Variants in ATP13A4 observed in about 807,000 individuals in gnomAD.
ATP13A4 encodes ATPase 13A4.
Under a neutral mutation model 142.5 loss-of-function variants are expected in ATP13A4, and 114 were observed. The observed-to-expected ratio is 0.80, with a 90% CI of 0.69 to 0.93. The LOEUF (loss-of-function observed/expected upper bound fraction) is 0.93. Among genes scored for constraint, ATP13A4 ranks in the 40% least tolerant of loss-of-function variants. The probability of loss-of-function intolerance (pLI) is 0.00; values close to 1 mark genes in which losing one functional copy is unlikely to be tolerated. For synonymous variants in ATP13A4, 488 were observed against 514.8 expected, an observed-to-expected ratio of 0.95 and a Z score of 0.70; for missense variants, 1,392 against 1,454.0, an observed-to-expected ratio of 0.96 and a Z score of 0.69.
At chr3:193,512,912 G>A (rs190422945) in intron 2 of ATP13A4, among the ~76,000 whole-genome samples, 55 of 152,300 alleles carry the variant, frequency 3.6e-4, no homozygotes, top group African/African-American at 1.3e-3. Flanking sequence ...CATCCTGTGA[G>A]TCTTCAGGAA....
chr3:193,476,135 A>G (rs1442863184), intron 8 of ATP13A4, among the ~76,000 whole-genome samples: 11 of 152,068 alleles, frequency 7.2e-5, no homozygotes, highest in Admixed American at 7.2e-4. Flanking sequence ...AATGCATTTT[A>G]TCTTAAAAAG....
rs573266062 is a variant in ATP13A4, at chr3:193,448,243, C to A, written c.2115G>T (p.Glu705Asp). The A allele has an allele frequency of 5.5e-5, 88 of 1,614,066 alleles. No homozygotes were observed. Among genetic ancestry groups the A allele is most frequent in the Admixed American group, 1.2e-4 (7 of 60,004 alleles). ...LKEETKPVLE[E>D]LISARIRTVM... ...CAGTCCTTATCCGGGCTGAGATGAGCTCTTCCAAGACAGGTTTTGTCTCTT... is the reference window on the plus strand; with the variant it reads ...CAGTCCTTATCCGGGCTGAGATGAGATCTTCCAAGACAGGTTTTGTCTCTT... Residue 705 changes from glutamate (E) to aspartate (D), a missense_variant, in exon 18 of 30, where the codon GAG becomes GAT. Glu to Asp is a conservative substitution (Grantham distance 45, BLOSUM62 2). Transcript: ENST00000342695.
At chr3:193,470,821 G>A (rs1718574964) in intron 9 of ATP13A4, 38 bp downstream of exon 9, 2 of 1,613,206 alleles carry the variant, frequency 1.2e-6, no homozygotes, top group Admixed American at 1.7e-5. Context: ...GTGTGGGCCA[G>A]CCCACAGAGG....
At chr3:193,501,822 C>T (rs1239346826) in intron 3 of ATP13A4, among the ~76,000 whole-genome samples, 3 of 152,056 alleles carry the variant, frequency 2.0e-5, no homozygotes, top group African/African-American at 4.8e-5. Flanking sequence ...GAGGGAGCAA[C>T]CCAAATACAT....
At chr3:193,474,744 G>GGAA (rs1718861837) in intron 8 of ATP13A4, among the ~76,000 whole-genome samples, 1 of 149,568 alleles carries the variant, frequency 6.7e-6, no homozygotes, top group African/African-American at 2.5e-5. Flanking sequence ...AAGAAAGAAA[G>GGAA]AAAGGAAAAA....
intron 25 of ATP13A4, among the ~76,000 whole-genome samples, chr3:193,426,437 T>C (rs1182941829): frequency 6.6e-6 from 1 of 151,876 alleles, no homozygotes; most frequent in Admixed American, 6.6e-5. Flanking sequence ...GTTTGTACTA[T>C]CCAAAGTGAT....
intron 11 of ATP13A4, among the ~76,000 whole-genome samples, chr3:193,465,503 T>G (rs1718223087): frequency 1.3e-5 from 2 of 152,152 alleles, no homozygotes; most frequent in African/African-American, 4.8e-5. Flanking sequence ...TCTTTTTGTT[T>G]ACTTCTTTAG....
At chr3:193,536,811 C>G (rs182901470) in intron 1 of ATP13A4, among the ~76,000 whole-genome samples, 1 of 152,022 alleles carries the variant, frequency 6.6e-6, no homozygotes, top group African/African-American at 2.4e-5. Flanking sequence ...AATTGTATTT[C>G]TATATCCTGG....
At chr3:193,535,560 G>A (rs919451186) in intron 1 of ATP13A4, among the ~76,000 whole-genome samples, 4 of 152,046 alleles carry the variant, frequency 2.6e-5, no homozygotes, top group African/African-American at 9.7e-5. Context: ...GAAATTTTTA[G>A]CACTAACTGC....
chr3:193,440,183 C>T (rs187656545), intron 21 of ATP13A4: 33 of 251,026 alleles, frequency 1.3e-4, no homozygotes, highest in African/African-American at 3.1e-4. Flanking sequence ...ATTGTGATGA[C>T]GGCATATACA....
At chr3:193,430,148 T>C (rs1391946435) in intron 25 of ATP13A4, among the ~76,000 whole-genome samples, 2 of 152,030 alleles carry the variant, frequency 1.3e-5, no homozygotes, top group Non-Finnish European at 2.9e-5. Context: ...CTATTCGAAA[T>C]AAATTTCAAA....
intron 7 of ATP13A4, among the ~76,000 whole-genome samples, chr3:193,489,495 T>C (rs1719822890): frequency 1.3e-5 from 2 of 152,144 alleles, no homozygotes; most frequent in Non-Finnish European, 2.9e-5. Context: ...GGCTAATTAG[T>C]CTTGAGTAAA....
chr3:193,532,182 G>T lies in ATP13A4; in HGVS notation c.61-17311C>A, dbSNP rs908170697. Among the ~76,000 whole-genome samples the T allele has an allele frequency of 2.6e-5, 4 of 152,056 alleles. 1 individual carries two copies. The Middle Eastern group carries it at 0.014, about 521-fold the overall frequency. On this transcript the variant is annotated intron_variant, in intron 1 of 29. Transcript: ENST00000342695. ...ATCACAATGGCATTTAGGAAGTGCT[G>T]ACTGATACAGAAAAGGAGACTACTA...
intron 17 of ATP13A4, among the ~76,000 whole-genome samples, chr3:193,453,451 T>C (rs1018160797): frequency 1.1e-4 from 17 of 152,128 alleles, no homozygotes; most frequent in Admixed American, 1.3e-4. Flanking sequence ...GAAATAAACA[T>C]GATACCTGAA....
intron 1 of ATP13A4, among the ~76,000 whole-genome samples, chr3:193,582,497 C>T (rs10937589): frequency 0.42 from 59,195 of 139,934 alleles, 12,832 homozygotes; most frequent in Non-Finnish European, 0.43. Flanking sequence ...CATGTATATA[C>T]TTATAAGTAT....
At chr3:193,480,666 T>G (rs1042970433) in intron 8 of ATP13A4, among the ~76,000 whole-genome samples, 3 of 152,196 alleles carry the variant, frequency 2.0e-5, no homozygotes, top group Non-Finnish European at 4.4e-5. Context: ...GAAACACTTT[T>G]ACACTGTTGG....
At chr3:193,429,171 G>T (rs1433865196) in intron 25 of ATP13A4, among the ~76,000 whole-genome samples, 1 of 151,958 alleles carries the variant, frequency 6.6e-6, no homozygotes, top group Non-Finnish European at 1.5e-5. Context: ...AGCTGATGAG[G>T]CTGTGAAGCA....
At chr3:193,447,352 G>A (rs1438549186) in intron 18 of ATP13A4, among the ~76,000 whole-genome samples, 3 of 152,120 alleles carry the variant, frequency 2.0e-5, no homozygotes, top group Admixed American at 6.6e-5. Flanking sequence ...TAGAACAGGG[G>A]ACAGAGAAGT....
At chr3:193,474,676 A>C (rs1718847667) in intron 8 of ATP13A4, among the ~76,000 whole-genome samples, 1 of 149,142 alleles carries the variant, frequency 6.7e-6, no homozygotes, top group Non-Finnish European at 1.5e-5. Context: ...AGAAAAAGAA[A>C]GAAAAAAGAA....
Sources: gnomAD v4.1 joint callset for allele counts (sites outside exome capture counted in the v4.1 genomes callset) on GRCh38, gnomAD v4.1.1 for gene constraint, MANE v1.5 for transcripts, NCBI Gene and HGNC (gene_info 2026-07-23, HGNC 2026-07-21) for gene names.